CD33: variants seen among roughly 807,000 people sequenced by gnomAD.
CD33 encodes the protein CD33 molecule.
A neutral mutation model predicts 31.4 loss-of-function variants in CD33; 25 were observed. The observed-to-expected ratio is 0.80, with a 90% CI of 0.58 to 1.11. The LOEUF is 1.11. Among genes scored for constraint, CD33 ranks in the 50% most tolerant of loss-of-function variants. CD33 has a pLI of 0.00. For missense variants in CD33, 407 were observed against 448.1 expected (o/e 0.91, Z 0.83); for synonymous variants, 176 against 180.6 (o/e 0.97, Z 0.20).
At chr19:51,236,831 T>A (rs146702807) in intron 6 of CD33, 1 of 152,444 alleles carries the variant, frequency 6.6e-6, no homozygotes, top group East Asian at 1.9e-4. Flanking sequence ...GAGCCCCTCT[T>A]ACTCCTTATT....
At chr19:51,212,079 T>C in the CD33 span, 14 of 726,964 alleles carry the variant, frequency 1.9e-5, no homozygotes, top group Admixed American at 2.7e-4. Context: ...CTGTGAGTGC[T>C]GGGCCAGGAC....
the CD33 span, among the ~76,000 whole-genome samples, chr19:51,215,709 C>G: frequency 2.0e-5 from 3 of 152,164 alleles, no homozygotes; most frequent in African/African-American, 7.2e-5. Flanking sequence ...AAAGTCAGAA[C>G]CAGCTTGTGG....
At chr19:51,239,156 G>A (rs181475660) in intron 6 of CD33, 2 of 162,390 alleles carry the variant, frequency 1.2e-5, no homozygotes, top group African/African-American at 4.8e-5. Flanking sequence ...CAGAGACCTG[G>A]GACCGAGTTC....
At chr19:51,214,113 G>A in the CD33 span, among the ~76,000 whole-genome samples, 2 of 149,776 alleles carry the variant, frequency 1.3e-5, no homozygotes, top group Non-Finnish European at 3.0e-5. Context: ...ACCTGCCTCG[G>A]CCTCCCAAAG....
chr19:51,217,379 C>T, the CD33 span, among the ~76,000 whole-genome samples: 1 of 151,354 alleles, frequency 6.6e-6, no homozygotes, highest in Non-Finnish European at 1.5e-5. Context: ...ACTCCAATGT[C>T]TTTTTTGTTT....
At chr19:51,221,703 T>C (rs1162652548), upstream of CD33, among the ~76,000 whole-genome samples, 2 of 152,158 alleles carry the variant, frequency 1.3e-5, no homozygotes, top group African/African-American at 4.8e-5. Context: ...TGCATGCCAA[T>C]ATTTATAACA....
chr19:51,214,261 T>C, the CD33 span, among the ~76,000 whole-genome samples: 323 of 147,946 alleles, frequency 2.2e-3, 7 homozygotes, highest in East Asian at 0.055. Context: ...TGCAATGGCA[T>C]GATCTCAGCT....
intron 4 of CD33, among the ~76,000 whole-genome samples, chr19:51,232,755 A>G (rs1981510205): frequency 6.6e-6 from 1 of 152,028 alleles, no homozygotes. Flanking sequence ...TTGTTCTTTT[A>G]TATAATATCT....
At chr19:51,227,399 T>A (rs896534808) in intron 4 of CD33, among the ~76,000 whole-genome samples, 1 of 152,234 alleles carries the variant, frequency 6.6e-6, no homozygotes, top group Non-Finnish European at 1.5e-5. Context: ...TCATCTTTTT[T>A]TTATCATAGT....
chr19:51,214,448 G>A, the CD33 span, among the ~76,000 whole-genome samples: 1 of 151,738 alleles, frequency 6.6e-6, no homozygotes. Context: ...TGCCCACCTT[G>A]GCCTCCCAAA....
At chr19:51,226,410 G>A in intron 4 of CD33, 54 bp downstream of exon 4, 4 of 1,524,624 alleles carry the variant, frequency 2.6e-6, no homozygotes, top group Non-Finnish European at 3.6e-6. Flanking sequence ...TCTGTGTCAG[G>A]TTTGGTCAGA....
At chr19:51,230,961 C>T (rs1047140997) in intron 4 of CD33, among the ~76,000 whole-genome samples, 1 of 152,194 alleles carries the variant, frequency 6.6e-6, no homozygotes, top group Non-Finnish European at 1.5e-5. Flanking sequence ...GGGCATAAAA[C>T]CCCTCGTGGC....
At chr19:51,227,026 T>A (rs1218069485) in intron 4 of CD33, among the ~76,000 whole-genome samples, 2 of 152,026 alleles carry the variant, frequency 1.3e-5, no homozygotes, top group Non-Finnish European at 2.9e-5. Flanking sequence ...TAGTTCAATC[T>A]ATGTTATAGT....
chr19:51,225,884 G>C lies in CD33; in HGVS notation c.500G>C (p.Trp167Ser). ...AAAAACCTGACCTGCTCTGTGTCCT[G>C]GGCCTGTGAGCAGGGAACACCCCCG... is the stretch of plus-strand genomic sequence containing the variant. ...HSKNLTCSVS[W>S]ACEQGTPPIF... The change falls in exon 3 of 7, where the codon TGG (tryptophan) becomes TCG (serine). Residue 167 changes from tryptophan (W) to serine (S), a missense_variant. By Grantham distance (177) the Trp-to-Ser change is radical. Coordinates refer to ENST00000262262, the MANE Select transcript of CD33 (RefSeq NM_001772.4). The C allele has an allele frequency of 6.2e-7, 1 of 1,614,004 alleles. No individual in the cohort carries two copies. The highest frequency in any genetic ancestry group is 8.5e-7 in the Non-Finnish European group (1 of 1,179,998).
At chr19:51,219,207 C>T in the CD33 span, among the ~76,000 whole-genome samples, 1 of 152,068 alleles carries the variant, frequency 6.6e-6, no homozygotes, top group African/African-American at 2.4e-5. Flanking sequence ...CTTATTTCAT[C>T]AGTATTTTGT....
chr19:51,218,724 T>C, the CD33 span, among the ~76,000 whole-genome samples: 6 of 152,190 alleles, frequency 3.9e-5, no homozygotes, highest in African/African-American at 9.6e-5. Flanking sequence ...TAGGGGTCCA[T>C]TGCATTATTC....
At chr19:51,232,627 A>G (rs974966904) in intron 4 of CD33, among the ~76,000 whole-genome samples, 1 of 152,170 alleles carries the variant, frequency 6.6e-6, no homozygotes, top group Non-Finnish European at 1.5e-5. Context: ...GTGTTATTTC[A>G]GAAGATCTGT....
chr19:51,223,745 C>T (rs1980802246), upstream of CD33, among the ~76,000 whole-genome samples: 1 of 152,180 alleles, frequency 6.6e-6, no homozygotes, highest in Non-Finnish European at 1.5e-5. Context: ...GAAGATGCTG[C>T]ATGGTTCTTG....
the CD33 span, chr19:51,211,947 C>G: frequency 7.5e-7 from 1 of 1,327,840 alleles, no homozygotes; most frequent in East Asian, 2.4e-5. Flanking sequence ...CCCCAGGACC[C>G]TCCACTCCTC....
Sources: gnomAD v4.1 joint callset for allele counts (sites outside exome capture counted in the v4.1 genomes callset) on GRCh38, gnomAD v4.1.1 for gene constraint, MANE v1.5 for transcripts, NCBI Gene and HGNC (gene_info 2026-07-23, HGNC 2026-07-21) for gene names.